LRRC53: variants seen among roughly 807,000 people sequenced by gnomAD.
LRRC53 encodes leucine-rich repeat-containing protein 53.
In LRRC53, 25 loss-of-function variants were observed where a neutral mutation model predicts 13.6. The ratio of observed to expected loss-of-function variants is 1.83; its 90% CI spans 1.34 to 2.56. LRRC53 has a LOEUF of 2.56. LRRC53 is among the 30% of genes most tolerant of loss of function. LRRC53 has a pLI of 0.00. For synonymous variants in LRRC53, 204 were observed against 109.8 expected (o/e 1.86, Z -5.37); for missense variants, 527 against 275.8 (o/e 1.91, Z -6.45).
chr1:74,492,056 TG>T, intron 1 of LRRC53: 1 of 1,452,602 alleles, frequency 6.9e-7, no homozygotes, highest in East Asian at 2.4e-5. Context: ...TCACACCTGT[TG>T]GAAGTATTAA....
chr1:74,520,036 A>C, the LRRC53 span, among the ~76,000 whole-genome samples: 1 of 152,162 alleles, frequency 6.6e-6, no homozygotes, highest in Non-Finnish European at 1.5e-5. Flanking sequence ...TTTGGGGAAC[A>C]GGTGGTATTT....
At chr1:74,514,814 A>C (rs1016405780), upstream of LRRC53, among the ~76,000 whole-genome samples, 2 of 152,170 alleles carry the variant, frequency 1.3e-5, no homozygotes, top group Non-Finnish European at 2.9e-5. Flanking sequence ...AGATATGTTG[A>C]AGTCTCAGAC....
rs970995965 is a variant in LRRC53, at chr1:74,470,420, T to A, written c.3202A>T (p.Asn1068Tyr). 1.2e-5 allele frequency: 5 copies of A among 400,614 alleles called. No homozygotes were observed. The East Asian group carries it at 1.8e-4, about 14-fold the overall frequency. The allele number at this position is 400,614 out of a possible 1,614,324, so 24.8% of individuals were successfully genotyped here. A position where few individuals can be genotyped will look rare whatever the true frequency, so the allele number is the denominator to read the frequency against. Reference protein sequence around the residue: ...GIDSTNALPRNDGTEALEIKI... With the variant: ...GIDSTNALPRYDGTEALEIKI... ...ATCTCTAGTGCTTCAGTGCCGTCAT[T>A]TCTGGGCAATGCATTTGTGCTGTCA... The change falls in exon 5 of 5, where the codon AAT becomes TAT. Residue 1068 changes from asparagine to tyrosine, a missense_variant. By Grantham distance (143) the Asn-to-Tyr change is moderately radical. Coordinates refer to ENST00000294635, the MANE Select transcript of LRRC53 (RefSeq NM_001382280.1).
At chr1:74,487,492 G>C (rs1483934274) in intron 1 of LRRC53, among the ~76,000 whole-genome samples, 1 of 152,136 alleles carries the variant, frequency 6.6e-6, no homozygotes, top group African/African-American at 2.4e-5. Context: ...TTTGAAGTGA[G>C]ACCAGGCAGA....
intron 1 of LRRC53, among the ~76,000 whole-genome samples, chr1:74,511,724 G>A (rs984391376): frequency 2.6e-5 from 4 of 151,988 alleles, no homozygotes; most frequent in Non-Finnish European, 5.9e-5. Context: ...CCATGTGTAG[G>A]AAGCCCTGTG....
At chr1:74,505,782 C>T (rs1669865183) in intron 1 of LRRC53, among the ~76,000 whole-genome samples, 1 of 152,070 alleles carries the variant, frequency 6.6e-6, no homozygotes, top group Non-Finnish European at 1.5e-5. Flanking sequence ...TGAAAAAATA[C>T]TGGACCCAGG....
the LRRC53 span, among the ~76,000 whole-genome samples, chr1:74,532,989 C>G: frequency 6.6e-6 from 1 of 152,162 alleles, no homozygotes. Context: ...CATTACCATT[C>G]AGGACATAGG....
chr1:74,489,948 A>G (rs1668971222), intron 1 of LRRC53, among the ~76,000 whole-genome samples: 1 of 151,370 alleles, frequency 6.6e-6, no homozygotes, highest in African/African-American at 2.4e-5. Flanking sequence ...ATGCATTTGC[A>G]TATGCAGGGA....
At position 74,470,530 on chromosome 1, in the gene LRRC53, C is replaced by G; in HGVS notation, c.3092G>C (p.Arg1031Thr). The G allele has an allele frequency of 2.5e-6, 1 of 400,618 alleles. No individual in the cohort carries two copies. The highest frequency in any genetic ancestry group is 4.4e-6 in the Non-Finnish European group (1 of 226,188). The allele number at this position is 400,618 out of a possible 1,614,324, so 24.8% of individuals were successfully genotyped here. A position where few individuals can be genotyped will look rare whatever the true frequency, so the allele number is the denominator to read the frequency against. The change falls in exon 5 of 5, where the codon AGA becomes ACA. Residue 1031 changes from arginine to threonine, a missense_variant. Physicochemically the swap from Arg to Thr is moderately conservative, Grantham distance 71. Coordinates refer to ENST00000294635, the MANE Select transcript of LRRC53 (RefSeq NM_001382280.1). The part of the protein sequence containing the change: ...MKTNSIPYQN[R>T]IELPKDISTS... ...ACTGATATCCTTGGGAAGTTCTATT[C>G]TATTTTGGTATGGAATTGAATTTGT...
rs749702172 is a variant in LRRC53, at chr1:74,492,284, C to T, written c.-26-8909G>A. ...TCCCAAAGGTGAGTGGTAATATAAG[C>T]AAATCTCACAGTAAAGTCTTATTTC... On this transcript the variant is annotated intron_variant, in intron 1 of 4. Transcript: ENST00000294635. 4 of 1,474,624 alleles carry T rather than the reference C, an allele frequency of 2.7e-6. No homozygotes were observed. Among genetic ancestry groups the T allele is most frequent in the Admixed American group, 3.8e-5 (2 of 53,264 alleles). 91.3% of individuals were successfully genotyped at this position (1,474,624 alleles called of 1,614,324 possible). A position where few individuals can be genotyped will look rare whatever the true frequency, so the allele number is the denominator to read the frequency against.
chr1:74,474,209 G>A (rs1468410371), intron 4 of LRRC53, among the ~76,000 whole-genome samples: 1 of 152,094 alleles, frequency 6.6e-6, no homozygotes, highest in African/African-American at 2.4e-5. Context: ...AAAGTTAAAA[G>A]ATGAAATGAA....
chr1:74,480,701 A>C lies in LRRC53; in HGVS notation c.356T>G (p.Leu119Arg), dbSNP rs1668449129. 1 of 717,302 alleles carries C rather than the reference A, an allele frequency of 1.4e-6. No individual in the cohort carries two copies. The highest frequency in any genetic ancestry group is 1.7e-5 in the African/African-American group (1 of 57,266). 44.4% of individuals were successfully genotyped at this position (717,302 alleles called of 1,614,324 possible). A position where few individuals can be genotyped will look rare whatever the true frequency, so the allele number is the denominator to read the frequency against. ...LQVLVLSNNALRTLRGSWFRN... is the reference protein window; with the variant it reads ...LQVLVLSNNARRTLRGSWFRN... Reference sequence around the variant, plus strand: ...GAACCAAGACCCTCGTAGGGTGCGGAGAGCATTATTGCTCAGCACCAGTAC... The same window carrying C: ...GAACCAAGACCCTCGTAGGGTGCGGCGAGCATTATTGCTCAGCACCAGTAC... The change falls in exon 3 of 5, where the codon CTC becomes CGC. Residue 119 changes from leucine to arginine, a missense_variant. By Grantham distance (102) the Leu-to-Arg change is moderately radical. Transcript: ENST00000294635.
chr1:74,504,427 G>C (rs1243078183), intron 1 of LRRC53, among the ~76,000 whole-genome samples: 1 of 152,144 alleles, frequency 6.6e-6, no homozygotes, highest in Non-Finnish European at 1.5e-5. Flanking sequence ...ACAAAGGTGT[G>C]CAGCCTCAAA....
chr1:74,517,871 T>A, the LRRC53 span, among the ~76,000 whole-genome samples: 1 of 152,140 alleles, frequency 6.6e-6, no homozygotes, highest in Non-Finnish European at 1.5e-5. Context: ...GCAGGTCTGA[T>A]GTAGAGTGAA....
At chr1:74,527,875 T>A in the LRRC53 span, among the ~76,000 whole-genome samples, 1 of 152,032 alleles carries the variant, frequency 6.6e-6, no homozygotes, top group Non-Finnish European at 1.5e-5. Context: ...GTGTGGAGAA[T>A]GTCTATGTGG....
In LRRC53 at chr1:74,475,683, C is replaced by T. The variant is rs528793522; in HGVS notation, c.1032G>A (p.Glu344=). 8.4e-6 allele frequency: 6 copies of T among 714,868 alleles called. No homozygotes were observed. In the African/African-American group the frequency reaches 1.1e-4, roughly 13 times the overall value. The allele number at this position is 714,868 out of a possible 1,614,324, so 44.3% of individuals were successfully genotyped here. Residue 344 remains glutamate, a synonymous_variant, in exon 4 of 5, where the codon GAG becomes GAA. Transcript: ENST00000294635. ...ATCCCTTAGTGTGGTAATTTCTTGC[C>T]TCATGAGCACACAGGGGTTCATCGA... ...RTFDEPLCAH[E]ARNYHTKGYC...
the LRRC53 span, among the ~76,000 whole-genome samples, chr1:74,530,045 A>T: frequency 7.9e-5 from 12 of 152,042 alleles, no homozygotes; most frequent in Non-Finnish European, 1.6e-4. Flanking sequence ...GCTCACTGCA[A>T]CCTCTACCTC....
At chr1:74,497,635 A>G (rs1440569355) in intron 1 of LRRC53, among the ~76,000 whole-genome samples, 2 of 151,452 alleles carry the variant, frequency 1.3e-5, no homozygotes, top group African/African-American at 2.4e-5. Context: ...CACACACACA[A>G]TTGAACCCCA....
intron 1 of LRRC53, chr1:74,492,316 T>A: frequency 7.1e-7 from 1 of 1,417,986 alleles, no homozygotes; most frequent in Non-Finnish European, 9.4e-7. Context: ...TTTCAGAATC[T>A]TATCAAGACA....
Sources: allele counts gnomAD v4.1 joint callset (sites outside exome capture counted in the v4.1 genomes callset), GRCh38; gene constraint gnomAD v4.1.1; transcripts MANE v1.5; gene names NCBI Gene and HGNC (gene_info 2026-07-23, HGNC 2026-07-21).